REDIC1: variants seen among roughly 807,000 people sequenced by gnomAD.
The protein encoded by REDIC1 is HEI10 Interacting Protein 1.
At chr12:39,898,859 C>T in the REDIC1 span, among the ~76,000 whole-genome samples, 1 of 152,066 alleles carries the variant, frequency 6.6e-6, no homozygotes, top group Non-Finnish European at 1.5e-5. Context: ...GGATATTTAG[C>T]ATGTTCTTCA....
At chr12:39,877,081 C>A in the REDIC1 span, among the ~76,000 whole-genome samples, 2 of 152,056 alleles carry the variant, frequency 1.3e-5, no homozygotes, top group Admixed American at 1.3e-4. Flanking sequence ...AAAAGAGGTT[C>A]TTTTAACTAA....
chr12:39,709,469 C>A, the REDIC1 span, among the ~76,000 whole-genome samples: 143 of 151,872 alleles, frequency 9.4e-4, 2 homozygotes, highest in African/African-American at 3.2e-3. Flanking sequence ...AGACCCTCGT[C>A]CTGTCTCTCA....
At chr12:39,630,898 C>A in the REDIC1 span, among the ~76,000 whole-genome samples, 44 of 152,254 alleles carry the variant, frequency 2.9e-4, no homozygotes, top group African/African-American at 1.0e-3. Flanking sequence ...TTGCCTGAAA[C>A]GGTCAAGGTT....
At chr12:39,875,564 A>C in the REDIC1 span, among the ~76,000 whole-genome samples, 1 of 152,222 alleles carries the variant, frequency 6.6e-6, no homozygotes, top group Non-Finnish European at 1.5e-5. Context: ...CTATCACAGT[A>C]AACGTACTAA....
chr12:39,849,386 C>A, the REDIC1 span, among the ~76,000 whole-genome samples: 2 of 152,034 alleles, frequency 1.3e-5, no homozygotes, highest in Non-Finnish European at 2.9e-5. Context: ...TGCTTCATCC[C>A]ATTAATCTCA....
the REDIC1 span, among the ~76,000 whole-genome samples, chr12:39,694,371 G>A: frequency 6.6e-6 from 1 of 152,098 alleles, no homozygotes; most frequent in Non-Finnish European, 1.5e-5. Context: ...AGTCACTGAC[G>A]CCACCCTTCC....
At chr12:39,894,949 G>C in the REDIC1 span, among the ~76,000 whole-genome samples, 1 of 152,146 alleles carries the variant, frequency 6.6e-6, no homozygotes, top group African/African-American at 2.4e-5. Context: ...AACTGGCTAG[G>C]AGAACCCTCA....
At chr12:39,866,193 TA>T in the REDIC1 span, among the ~76,000 whole-genome samples, 11 of 152,196 alleles carry the variant, frequency 7.2e-5, no homozygotes, top group African/African-American at 2.2e-4. Flanking sequence ...AAATAGATTT[TA>T]AAAAGAACAT....
At chr12:39,783,312 A>G in the REDIC1 span, among the ~76,000 whole-genome samples, 1 of 152,164 alleles carries the variant, frequency 6.6e-6, no homozygotes. Flanking sequence ...GCTATTGTGA[A>G]TAGTGCCGCA....
At chr12:39,755,093 T>A in the REDIC1 span, 4 of 151,940 alleles carry the variant, frequency 2.6e-5, no homozygotes, top group Non-Finnish European at 5.9e-5. Context: ...ACACTTTTTT[T>A]AAAAAAAGAT....
chr12:39,878,227 CA>C, the REDIC1 span, among the ~76,000 whole-genome samples: 6 of 152,126 alleles, frequency 3.9e-5, no homozygotes, highest in South Asian at 6.2e-4. Context: ...AAGTTGATAC[CA>C]GGGGTGAAGC....
At chr12:39,769,758 A>C in the REDIC1 span, among the ~76,000 whole-genome samples, 2,335 of 151,588 alleles carry the variant, frequency 0.015, 56 homozygotes, top group African/African-American at 0.051. Flanking sequence ...CAAATGTTCA[A>C]CTCCTCTCAT....
chr12:39,681,785 G>C, the REDIC1 span, among the ~76,000 whole-genome samples: 3 of 152,154 alleles, frequency 2.0e-5, no homozygotes, highest in East Asian at 5.8e-4. Flanking sequence ...GAACAGAGTA[G>C]GTGATCATCA....
At chr12:39,676,637 A>C in the REDIC1 span, among the ~76,000 whole-genome samples, 2 of 152,172 alleles carry the variant, frequency 1.3e-5, no homozygotes, top group Non-Finnish European at 2.9e-5. Flanking sequence ...AAAGATGATC[A>C]CCTAGGTAAA....
At chr12:39,688,706 G>A in the REDIC1 span, among the ~76,000 whole-genome samples, 4 of 152,180 alleles carry the variant, frequency 2.6e-5, no homozygotes, top group African/African-American at 9.7e-5. Context: ...AACAGCTCAA[G>A]TTAGGGGAAG....
chr12:39,761,134 G>A, the REDIC1 span, among the ~76,000 whole-genome samples: 5 of 152,140 alleles, frequency 3.3e-5, no homozygotes, highest in East Asian at 7.8e-4. Flanking sequence ...TGTGACAATT[G>A]GCTGGAGAAA....
the REDIC1 span, among the ~76,000 whole-genome samples, chr12:39,673,387 A>C: frequency 3.3e-5 from 5 of 152,328 alleles, no homozygotes; most frequent in South Asian, 1.0e-3. Context: ...TTCATTCTTC[A>C]GGAAATTCAT....
the REDIC1 span, among the ~76,000 whole-genome samples, chr12:39,811,470 C>G: frequency 1.3e-5 from 2 of 151,984 alleles, no homozygotes; most frequent in African/African-American, 4.8e-5. Flanking sequence ...TTAAGTATTG[C>G]TTTAGCTGTC....
chr12:39,877,503 G>GT, the REDIC1 span, among the ~76,000 whole-genome samples: 1 of 152,140 alleles, frequency 6.6e-6, no homozygotes, highest in Non-Finnish European at 1.5e-5. Flanking sequence ...CAGCCAAACC[G>GT]TATCAATAAC....
Sources: gnomAD v4.1 joint callset for allele counts (sites outside exome capture counted in the v4.1 genomes callset) on GRCh38, gnomAD v4.1.1 for gene constraint, MANE v1.5 for transcripts, NCBI Gene and HGNC (gene_info 2026-07-23, HGNC 2026-07-21) for gene names.